Variants in POU6F2 observed in about 807,000 individuals in gnomAD.
The protein encoded by POU6F2 is POU class 6 homeobox 2.
POU6F2 carries 31 observed loss-of-function variants against 71.3 expected under a neutral mutation model. That is an observed-to-expected ratio of 0.43 (90% CI 0.33 to 0.59). The LOEUF is 0.59. Among genes scored for constraint, POU6F2 ranks in the 20% least tolerant of loss-of-function variants. POU6F2 has a pLI of 0.04. For synonymous variants in POU6F2, 347 were observed against 355.7 expected (o/e 0.98, Z 0.27); for missense variants, 783 against 856.8 (o/e 0.91, Z 1.07).
chr7:39,444,501 T>C (rs1354079362), intron 7 of POU6F2, among the ~76,000 whole-genome samples: 1 of 152,208 alleles, frequency 6.6e-6, no homozygotes, highest in Non-Finnish European at 1.5e-5. Context: ...CGAGAATCAC[T>C]TGAGTCTGGG....
At chr7:39,300,239 T>C (rs1430732408) in intron 4 of POU6F2, among the ~76,000 whole-genome samples, 3 of 152,214 alleles carry the variant, frequency 2.0e-5, no homozygotes, top group Non-Finnish European at 2.9e-5. Flanking sequence ...AACTAAACAT[T>C]GTGATAAATA....
rs140579551 is a variant in POU6F2, at chr7:39,339,990, C to T, written c.947C>T (p.Pro316Leu). ...TCTCCAGGACATGGCCTGCCTTCAC[C>T]GCTCACGCCACCCAATCCTCTACAG... ...SQSPGHGLPSPLTPPNPLQLV... is the reference protein window; with the variant it reads ...SQSPGHGLPSLLTPPNPLQLV... Residue 316 changes from proline (P) to leucine (L), a missense_variant, in exon 5 of 10, where the codon CCG becomes CTG. By Grantham distance (98) the Pro-to-Leu change is moderately conservative (BLOSUM62 -3). Transcript: ENST00000518318. 818 of 1,612,080 alleles carry T rather than the reference C, an allele frequency of 5.1e-4. 10 individuals are homozygous for T. Among genetic ancestry groups the T allele is most frequent in the South Asian group, 4.9e-3 (444 of 90,990 alleles).
At chr7:39,193,747 C>T (rs148836844) in intron 2 of POU6F2, among the ~76,000 whole-genome samples, 40 of 152,270 alleles carry the variant, frequency 2.6e-4, no homozygotes, top group Non-Finnish European at 4.9e-4. Flanking sequence ...AGTAGAGAAA[C>T]CTAATTGGAT....
At chr7:39,209,729 G>T (rs10231859) in intron 4 of POU6F2, among the ~76,000 whole-genome samples, 3,500 of 152,256 alleles carry the variant, frequency 0.023, 145 homozygotes, top group African/African-American at 0.081. Context: ...TCCCAAAGCT[G>T]ATTTTCCCAC....
chr7:39,351,953 A>G (rs940532048), intron 5 of POU6F2, among the ~76,000 whole-genome samples: 1 of 152,230 alleles, frequency 6.6e-6, no homozygotes. Context: ...TTTAAATTAC[A>G]TGACTCCTGG....
At chr7:39,352,314 T>C (rs1043498549) in intron 5 of POU6F2, among the ~76,000 whole-genome samples, 2 of 152,190 alleles carry the variant, frequency 1.3e-5, no homozygotes, top group Non-Finnish European at 2.9e-5. Flanking sequence ...TATAGGACTG[T>C]GAAGATCACA....
rs1427246026 is a variant in POU6F2, at chr7:39,433,253, C to T, written c.1290C>T (p.Ile430=). 6.2e-7 allele frequency: 1 copy of T among 1,613,970 alleles called. No homozygotes were observed. The highest frequency in any genetic ancestry group is 2.2e-5 in the East Asian group (1 of 44,854). The stretch of plus-strand genomic sequence containing the variant: ...TGCCCGTGATCAACACCCAGGGCAT[C>T]ACGCTGTCACCCATCAAGCCCGGCC... The part of the protein sequence containing the change: ...QILPVINTQG[I]TLSPIKPGQQ... The change falls in exon 7 of 10, where the codon ATC becomes ATT. Residue 430 remains isoleucine (I), a synonymous_variant. Transcript: ENST00000518318.
chr7:39,421,538 A>G (rs1288923535), intron 6 of POU6F2, among the ~76,000 whole-genome samples: 1 of 152,204 alleles, frequency 6.6e-6, no homozygotes, highest in East Asian at 1.9e-4. Flanking sequence ...TACAGCTTGT[A>G]TGTGCTCACT....
intron 6 of POU6F2, among the ~76,000 whole-genome samples, chr7:39,417,549 G>C (rs752902075): frequency 1.1e-4 from 16 of 152,084 alleles, no homozygotes; most frequent in Non-Finnish European, 2.1e-4. Flanking sequence ...CAGGTGGAGG[G>C]TTCAGAATAC....
chr7:39,419,105 ATATATACG>A (rs1246884607), intron 6 of POU6F2, among the ~76,000 whole-genome samples: 17 of 66,820 alleles, frequency 2.5e-4, no homozygotes, highest in Non-Finnish European at 3.9e-4. Context: ...ATATATACAC[ATATATACG>A]TATATATGTG....
rs181265426 is a variant in POU6F2 at position 39,353,091 on chromosome 7, C to G, written c.972+13076C>G. On this transcript the variant is annotated intron_variant, in intron 5 of 9. Transcript: ENST00000518318. ...AAGGTCTTGGCCTGACTTTGCATTTCCTGCAAGGAGGCAGGTGGACCTAGG... is the reference window on the plus strand; with the variant it reads ...AAGGTCTTGGCCTGACTTTGCATTTGCTGCAAGGAGGCAGGTGGACCTAGG... Among the ~76,000 whole-genome samples, 16 of 152,372 alleles carry G rather than the reference C, an allele frequency of 1.1e-4. 1 individual carries two copies. The highest frequency in any genetic ancestry group is 9.8e-4 in the Admixed American group (15 of 15,308).
intron 7 of POU6F2, among the ~76,000 whole-genome samples, chr7:39,434,706 G>A (rs1033036735): frequency 2.6e-5 from 4 of 151,782 alleles, no homozygotes; most frequent in African/African-American, 4.8e-5. Context: ...TGTGCAGAAC[G>A]TGCAGGTTTG....
chr7:38,996,035 C>CTTT (rs5883669), intron 1 of POU6F2, among the ~76,000 whole-genome samples: 18 of 85,346 alleles, frequency 2.1e-4, no homozygotes, highest in African/African-American at 6.7e-4. Context: ...AGGGGCTTGG[C>CTTT]TTTTTTTTTT....
At chr7:39,338,253 T>G (rs982687144) in intron 4 of POU6F2, among the ~76,000 whole-genome samples, 4 of 152,172 alleles carry the variant, frequency 2.6e-5, no homozygotes, top group Admixed American at 2.6e-4. Flanking sequence ...AGAGCAGGGC[T>G]CCCACATCTT....
At chr7:39,420,023 G>A (rs1787816660) in intron 6 of POU6F2, among the ~76,000 whole-genome samples, 1 of 152,166 alleles carries the variant, frequency 6.6e-6, no homozygotes, top group Admixed American at 6.5e-5. Flanking sequence ...AACAACTGTT[G>A]ATTTCCTCTG....
chr7:39,211,761 G>A (rs962644115), intron 4 of POU6F2, among the ~76,000 whole-genome samples: 12 of 152,164 alleles, frequency 7.9e-5, no homozygotes, highest in Admixed American at 3.3e-4. Context: ...CAAGGCTGCA[G>A]GCTGTATCAT....
chr7:39,088,617 C>CTA (rs1045779209), intron 2 of POU6F2, among the ~76,000 whole-genome samples: 1 of 152,094 alleles, frequency 6.6e-6, no homozygotes, highest in Non-Finnish European at 1.5e-5. Context: ...TGTCATTCTT[C>CTA]TATATATACA....
At chr7:39,075,037 G>A (rs1790969820) in intron 1 of POU6F2, among the ~76,000 whole-genome samples, 1 of 152,100 alleles carries the variant, frequency 6.6e-6, no homozygotes, top group Non-Finnish European at 1.5e-5. Context: ...CAGTTCCCAA[G>A]CACCCACTCT....
At chr7:39,122,341 T>A (rs1205518700) in intron 2 of POU6F2, among the ~76,000 whole-genome samples, 4 of 152,180 alleles carry the variant, frequency 2.6e-5, no homozygotes, top group Non-Finnish European at 5.9e-5. Flanking sequence ...CCAGGCCAGC[T>A]CTCAAAAGCT....
Sources: gnomAD v4.1 joint callset for allele counts (sites outside exome capture counted in the v4.1 genomes callset) on GRCh38, gnomAD v4.1.1 for gene constraint, MANE v1.5 for transcripts, NCBI Gene and HGNC (gene_info 2026-07-23, HGNC 2026-07-21) for gene names.